Variants in PARM1 observed in about 807,000 individuals in gnomAD.
The protein encoded by PARM1 is WSC4, cell wall integrity and stress response component 4 homolog.
In PARM1, 14 loss-of-function variants were observed where a neutral mutation model predicts 24.6. The observed-to-expected ratio is 0.57, with a 90% CI of 0.38 to 0.89. The LOEUF is 0.89. PARM1 is among the 40% of genes least tolerant of loss of function. PARM1 has a pLI of 0.00. For missense variants in PARM1, 362 were observed against 380.4 expected, an observed-to-expected ratio of 0.95 and a Z score of 0.40; for synonymous variants, 179 against 156.6, an observed-to-expected ratio of 1.14 and a Z score of -1.07.
At chr4:74,971,990 A>G (rs568969695) in intron 1 of PARM1, among the ~76,000 whole-genome samples, 8 of 152,326 alleles carry the variant, frequency 5.3e-5, no homozygotes, top group Admixed American at 2.0e-4. Context: ...CACATATTTT[A>G]TTATTCATAT....
intron 1 of PARM1, among the ~76,000 whole-genome samples, chr4:75,002,629 G>A (rs951895575): frequency 6.6e-6 from 1 of 152,052 alleles, no homozygotes; most frequent in Non-Finnish European, 1.5e-5. Context: ...GTTTAAAGCT[G>A]GTCACTGGCA....
chr4:74,934,548 G>A (rs1205746188), intron 1 of PARM1, among the ~76,000 whole-genome samples: 1 of 152,230 alleles, frequency 6.6e-6, no homozygotes, highest in East Asian at 1.9e-4. Context: ...TCTACTTAGT[G>A]AACGTCCGTC....
At chr4:74,986,400 T>C (rs1424066119) in intron 1 of PARM1, among the ~76,000 whole-genome samples, 1 of 152,228 alleles carries the variant, frequency 6.6e-6, no homozygotes, top group Non-Finnish European at 1.5e-5. Flanking sequence ...TATTTCTTCA[T>C]GACTTAACCA....
intron 3 of PARM1, among the ~76,000 whole-genome samples, chr4:75,039,593 T>G (rs1723439331): frequency 6.6e-6 from 1 of 152,058 alleles, no homozygotes. Flanking sequence ...ATTCAGTAGG[T>G]CCAGGTGGGG....
At chr4:75,011,195 C>G (rs1578049557) in intron 1 of PARM1, among the ~76,000 whole-genome samples, 1 of 152,302 alleles carries the variant, frequency 6.6e-6, no homozygotes, top group East Asian at 1.9e-4. Context: ...TACATCTCAA[C>G]CTGAGATTTG....
chr4:75,012,859 T>A lies in PARM1; in HGVS notation c.478T>A (p.Ser160Thr). The change falls in exon 2 of 4, where the codon TCC (serine) becomes ACC (threonine). Residue 160 changes from serine to threonine, a missense_variant. By Grantham distance (58) the Ser-to-Thr change is moderately conservative. Transcript: ENST00000307428. Reference sequence around the variant, plus strand: ...TCAAGCTCCAGCCTCATCACCCTCATCCCTATCAACCTCACCACCTGAGGT... The same window carrying A: ...TCAAGCTCCAGCCTCATCACCCTCAACCCTATCAACCTCACCACCTGAGGT... ...SPQAPASSPS[S>T]LSTSPPEVFS... is the part of the protein sequence containing the mutation. 1.2e-6 allele frequency: 2 copies of A among 1,613,772 alleles called. No homozygotes were observed. The highest frequency in any genetic ancestry group is 1.7e-6 in the Non-Finnish European group (2 of 1,179,848).
At chr4:74,933,794 GT>G (rs1470060377) in intron 1 of PARM1, among the ~76,000 whole-genome samples, 1 of 152,186 alleles carries the variant, frequency 6.6e-6, no homozygotes, top group African/African-American at 2.4e-5. Flanking sequence ...GGGGTGGGAG[GT>G]TCGCATCTGG....
At chr4:74,991,765 C>A (rs1722475967) in intron 1 of PARM1, among the ~76,000 whole-genome samples, 1 of 152,186 alleles carries the variant, frequency 6.6e-6, no homozygotes, top group Non-Finnish European at 1.5e-5. Flanking sequence ...ATGAAAGCTG[C>A]TGTGGTCCCC....
chr4:74,964,594 G>C (rs779963759), intron 1 of PARM1, among the ~76,000 whole-genome samples: 5 of 142,942 alleles, frequency 3.5e-5, no homozygotes, highest in Non-Finnish European at 4.5e-5. Flanking sequence ...ATCCTTCCTT[G>C]ATCTTTTGTT....
intron 3 of PARM1, among the ~76,000 whole-genome samples, chr4:75,041,985 A>G (rs1445078655): frequency 6.6e-6 from 1 of 152,236 alleles, no homozygotes. Flanking sequence ...TAGTCCAGCC[A>G]TAATGCTCTT....
intron 2 of PARM1, among the ~76,000 whole-genome samples, chr4:75,014,250 G>T (rs532675092): frequency 1.3e-5 from 2 of 152,290 alleles, no homozygotes; most frequent in Admixed American, 6.5e-5. Flanking sequence ...TAATGAAGAC[G>T]TGATTCCTCA....
intron 1 of PARM1, among the ~76,000 whole-genome samples, chr4:74,981,979 T>C (rs1294646138): frequency 6.6e-6 from 1 of 151,766 alleles, no homozygotes; most frequent in Non-Finnish European, 1.5e-5. Flanking sequence ...CATTCTGTTA[T>C]AAGATACCCG....
chr4:75,001,836 C>G (rs905252083), intron 1 of PARM1, among the ~76,000 whole-genome samples: 2 of 152,282 alleles, frequency 1.3e-5, no homozygotes, highest in South Asian at 2.1e-4. Flanking sequence ...GAGCTGTTTT[C>G]CCAGTTGTGG....
intron 1 of PARM1, among the ~76,000 whole-genome samples, chr4:74,939,281 C>T (rs1216201402): frequency 1.3e-5 from 2 of 152,132 alleles, no homozygotes; most frequent in Admixed American, 1.3e-4. Context: ...TTAAGAGCAG[C>T]TCTCTGGGTT....
In PARM1 at chr4:75,012,460, TTGTC is replaced by T. The variant is rs1311071419; in HGVS notation, c.83_86del (p.Ser28PhefsTer55). ...ACAGAGTCTGCCTACATCAGCTCCT[TTGTC>T]TGTTTCTCTTCCGACAAACATTGTA... is the stretch of plus-strand genomic sequence containing the variant. On this transcript the variant is annotated frameshift_variant, in exon 2 of 4. Transcript: ENST00000307428. LOFTEE classifies it high-confidence loss of function. 1 of 1,613,898 alleles carries T rather than the reference TTGTC, an allele frequency of 6.2e-7. No individual in the cohort carries two copies. Among genetic ancestry groups the T allele is most frequent in the Non-Finnish European group, 8.5e-7 (1 of 1,179,876 alleles).
At chr4:75,012,236 G>A (rs1193664108) in intron 1 of PARM1, among the ~76,000 whole-genome samples, 189 bp from the exon 2 acceptor site, 1 of 152,186 alleles carries the variant, frequency 6.6e-6, no homozygotes, top group East Asian at 1.9e-4. Context: ...AGTTCCTACT[G>A]AGATTTGTAG....
At position 75,033,923 on chromosome 4, in the gene PARM1, G is replaced by A. The variant is rs760725885; in HGVS notation, c.810G>A (p.Val270=). The change falls in exon 3 of 4, where the codon GTG becomes GTA. Residue 270 remains valine, a synonymous_variant. Coordinates refer to ENST00000307428, the MANE Select transcript of PARM1 (RefSeq NM_015393.4). ...AAITVTVIAV[V]LLVFGVAAYL... ...TTACCGTGACAGTCATTGCCGTGGTGCTGCTGGTGTTTGGAGTTGCAGCCT... is the reference window on the plus strand; with the variant it reads ...TTACCGTGACAGTCATTGCCGTGGTACTGCTGGTGTTTGGAGTTGCAGCCT... The A allele has an allele frequency of 3.1e-6, 5 of 1,604,308 alleles. No homozygotes were observed. The highest frequency in any genetic ancestry group is 3.3e-4 in the Middle Eastern group (2 of 6,048).
intron 1 of PARM1, among the ~76,000 whole-genome samples, chr4:74,982,106 A>G (rs1040189216): frequency 2.0e-5 from 3 of 152,190 alleles, no homozygotes; most frequent in African/African-American, 7.2e-5. Context: ...ATGGAATACT[A>G]TGCACCCATA....
chr4:74,966,170 A>C (rs1721896980), intron 1 of PARM1, among the ~76,000 whole-genome samples: 1 of 152,220 alleles, frequency 6.6e-6, no homozygotes, highest in Admixed American at 6.5e-5. Context: ...CTAAGCGGAC[A>C]GTGGTTGTCG....
Sources: gnomAD v4.1 joint callset for allele counts (sites outside exome capture counted in the v4.1 genomes callset) on GRCh38, gnomAD v4.1.1 for gene constraint, MANE v1.5 for transcripts, NCBI Gene and HGNC (gene_info 2026-07-23, HGNC 2026-07-21) for gene names.